Variants in FAM168A observed in about 807,000 individuals in gnomAD.
FAM168A encodes the protein protein FAM168A.
In FAM168A, 3 loss-of-function variants were observed where a neutral mutation model predicts 28.5. The observed-to-expected ratio is 0.11, with a 90% CI of 0.05 to 0.27. The LOEUF is 0.27. Among genes scored for constraint, FAM168A ranks in the 10% least tolerant of loss-of-function variants. The pLI, the probability that FAM168A is intolerant of heterozygous loss-of-function variation, is 1.00. For synonymous variants in FAM168A, 122 were observed against 124.2 expected, an observed-to-expected ratio of 0.98 and a Z score of 0.12; for missense variants, 222 against 311.5, an observed-to-expected ratio of 0.71 and a Z score of 2.16.
intron 1 of FAM168A, 25 bp from the exon 2 acceptor site, chr11:73,468,517 C>A (rs1345496722): frequency 6.5e-7 from 1 of 1,532,744 alleles, no homozygotes; most frequent in East Asian, 2.3e-5. Flanking sequence ...AAGAAAACAG[C>A]ACTGATATTG....
At chr11:73,413,793 T>A (rs558009672) in intron 4 of FAM168A, among the ~76,000 whole-genome samples, 1 of 152,326 alleles carries the variant, frequency 6.6e-6, no homozygotes, top group African/African-American at 2.4e-5. Flanking sequence ...GGGCTGGATG[T>A]GATGGCTCTC....
At chr11:73,419,697 T>C (rs1017334097) in intron 4 of FAM168A, among the ~76,000 whole-genome samples, 177 bp downstream of exon 4, 3 of 152,198 alleles carry the variant, frequency 2.0e-5, no homozygotes, top group Non-Finnish European at 4.4e-5. Flanking sequence ...GAGTGCATGA[T>C]CAAAGAGAAT....
At chr11:73,442,139 T>C (rs1867207202) in intron 2 of FAM168A, among the ~76,000 whole-genome samples, 1 of 150,570 alleles carries the variant, frequency 6.6e-6, no homozygotes, top group Admixed American at 6.6e-5. Context: ...TTTTTTTTTT[T>C]TTTTGAGACG....
At chr11:73,477,170 C>T (rs1231471766) in intron 1 of FAM168A, among the ~76,000 whole-genome samples, 8 of 151,860 alleles carry the variant, frequency 5.3e-5, no homozygotes, top group Non-Finnish European at 8.8e-5. Context: ...ACATTGAGTA[C>T]ACATAGACAC....
intron 1 of FAM168A, among the ~76,000 whole-genome samples, chr11:73,574,843 T>G (rs1285271237): frequency 6.6e-6 from 1 of 151,010 alleles, no homozygotes; most frequent in Non-Finnish European, 1.5e-5. Context: ...GGATTACAGG[T>G]GTGAGCCACC....
At chr11:73,437,801 T>C (rs1463734451) in intron 2 of FAM168A, among the ~76,000 whole-genome samples, 1 of 152,070 alleles carries the variant, frequency 6.6e-6, no homozygotes, top group East Asian at 1.9e-4. Context: ...CATGTCTGTT[T>C]CCTCTCCTCC....
In FAM168A at chr11:73,427,348, T is replaced by C. The variant is rs921637960; in HGVS notation, c.151+3342A>G. 5.3e-5 allele frequency among the ~76,000 whole-genome samples: 8 copies of C among 149,628 alleles called. No homozygotes were observed. In the East Asian group the frequency reaches 1.5e-3, roughly 29 times the overall value. On this transcript the variant is annotated intron_variant, in intron 3 of 7. Transcript: ENST00000356467. ...GGGAAAATCAAGTTAGATGAGGGCT[T>C]ACTTTTTGCTTGTTTTAAAATTAAA... is the stretch of plus-strand genomic sequence containing the variant.
intron 1 of FAM168A, among the ~76,000 whole-genome samples, chr11:73,497,058 T>C (rs1854905165): frequency 6.6e-6 from 1 of 152,208 alleles, no homozygotes; most frequent in Non-Finnish European, 1.5e-5. Flanking sequence ...AAAGTCCAAA[T>C]TTGATTTCTG....
intron 1 of FAM168A, among the ~76,000 whole-genome samples, chr11:73,513,617 A>C (rs1855272242): frequency 6.6e-6 from 1 of 152,074 alleles, no homozygotes; most frequent in Non-Finnish European, 1.5e-5. Context: ...CATAAGACTG[A>C]AGCAGCCTAA....
At chr11:73,566,502 T>G (rs897980291) in intron 1 of FAM168A, among the ~76,000 whole-genome samples, 3 of 152,186 alleles carry the variant, frequency 2.0e-5, no homozygotes, top group African/African-American at 7.2e-5. Flanking sequence ...GAAAGACAAT[T>G]AAGCATCCAT....
rs1866763670 is a variant in FAM168A, at chr11:73,419,980, C to A, written c.171G>T (p.Gln57His). The A allele has an allele frequency of 1.2e-6, 2 of 1,613,602 alleles. No homozygotes were observed. Among genetic ancestry groups the A allele is most frequent in the Non-Finnish European group, 1.7e-6 (2 of 1,179,760 alleles). The change falls in exon 4 of 8, where the codon CAG becomes CAT. Residue 57 changes from glutamine to histidine, a missense_variant. By Grantham distance (24) the Gln-to-His change is conservative. This residue lies in a region of FAM168A where 153 missense variants were observed against 189.2 expected (regional missense o/e 0.81). Coordinates refer to ENST00000356467, the MANE Select transcript of FAM168A (RefSeq NM_015159.3). ...SYAPATLLMK[Q>H]AWPQNSSSCG... ...AGGAAGACGAGTTCTGTGGCCAGGC[C>A]TGTTTCATCAGCAGAGTTGCTTAAG...
At chr11:73,470,854 A>G (rs573814080) in intron 1 of FAM168A, among the ~76,000 whole-genome samples, 54 of 152,288 alleles carry the variant, frequency 3.5e-4, no homozygotes, top group South Asian at 2.5e-3. Flanking sequence ...CTGAGAAGAC[A>G]CTCTGTGTTG....
intron 1 of FAM168A, among the ~76,000 whole-genome samples, chr11:73,546,228 C>T (rs1298496086): frequency 2.6e-5 from 4 of 152,166 alleles, no homozygotes; most frequent in African/African-American, 9.7e-5. Flanking sequence ...ATTTGGTCAG[C>T]AGTAATACTC....
intron 1 of FAM168A, among the ~76,000 whole-genome samples, chr11:73,594,663 T>G (rs1383770534): frequency 2.0e-5 from 3 of 152,176 alleles, no homozygotes; most frequent in East Asian, 3.9e-4. Flanking sequence ...GCCTCCCAAG[T>G]AGCTGGGATT....
chr11:73,460,520 T>TC (rs1468792659), intron 2 of FAM168A, among the ~76,000 whole-genome samples: 2 of 149,226 alleles, frequency 1.3e-5, no homozygotes, highest in African/African-American at 5.1e-5. Flanking sequence ...TTTTTTTTTT[T>TC]TGAGACAAAG....
At chr11:73,531,698 T>C (rs2134664827) in intron 1 of FAM168A, among the ~76,000 whole-genome samples, 1 of 152,216 alleles carries the variant, frequency 6.6e-6, no homozygotes, top group South Asian at 2.1e-4. Flanking sequence ...AGCTCTTTCA[T>C]ATTTCTGTGA....
At chr11:73,423,378 GT>G (rs1866831065) in intron 3 of FAM168A, among the ~76,000 whole-genome samples, 1 of 152,086 alleles carries the variant, frequency 6.6e-6, no homozygotes, top group Non-Finnish European at 1.5e-5. Flanking sequence ...ACATTCCATA[GT>G]TCTCCACTGA....
chr11:73,510,539 A>T (rs551012595), intron 1 of FAM168A: 1 of 202,232 alleles, frequency 4.9e-6, no homozygotes, highest in South Asian at 1.9e-4. Flanking sequence ...CTTTCACTTT[A>T]TTGGGCCTAA....
intron 1 of FAM168A, among the ~76,000 whole-genome samples, chr11:73,479,334 G>A (rs965085778): frequency 1.3e-5 from 2 of 152,138 alleles, no homozygotes; most frequent in Admixed American, 1.3e-4. Context: ...ACTGTTATAT[G>A]TAGCTGAACC....
Sources: allele counts gnomAD v4.1 joint callset (sites outside exome capture counted in the v4.1 genomes callset), GRCh38; gene constraint gnomAD v4.1.1; regional missense constraint gnomAD v4.1.1; transcripts MANE v1.5; gene names NCBI Gene and HGNC (gene_info 2026-07-23, HGNC 2026-07-21).